Variants in AAK1 observed in about 807,000 individuals in gnomAD.
AAK1 encodes the protein AP2 associated kinase 1, also known as AP2-associated protein kinase 1.
AAK1 carries 37 observed loss-of-function variants against 116.0 expected under a neutral mutation model. The ratio of observed to expected loss-of-function variants is 0.32; its 90% CI spans 0.25 to 0.42. AAK1 has a LOEUF of 0.42. Among genes scored for constraint, AAK1 ranks in the 10% least tolerant of loss-of-function variants. AAK1 has a pLI of 1.00. For missense variants in AAK1, 919 were observed against 1,170.6 expected, an observed-to-expected ratio of 0.79 and a Z score of 3.14; for synonymous variants, 458 against 439.9, an observed-to-expected ratio of 1.04 and a Z score of -0.51.
chr2:69,623,432 G>A (rs1048466355), intron 2 of AAK1, among the ~76,000 whole-genome samples: 10 of 152,188 alleles, frequency 6.6e-5, no homozygotes, highest in African/African-American at 2.4e-4. Flanking sequence ...CAACAGCCTC[G>A]TAGATGCCCT....
intron 2 of AAK1, among the ~76,000 whole-genome samples, chr2:69,606,285 T>C (rs923407606): frequency 5.3e-5 from 8 of 152,202 alleles, no homozygotes; most frequent in African/African-American, 1.9e-4. Flanking sequence ...CACGATCCAA[T>C]TGAACACAAG....
Position 69,507,503 on chromosome 2 carries a change from C to A in AAK1, c.2082G>T (p.Thr694=). 6.2e-7 allele frequency: 1 copy of A among 1,612,568 alleles called. No homozygotes were observed. Among genetic ancestry groups the A allele is most frequent in the African/African-American group, 1.3e-5 (1 of 75,008 alleles). The change falls in exon 15 of 22, where the codon ACG becomes ACT. Residue 694 remains threonine, a synonymous_variant. Transcript: ENST00000409085. ...AATTATCGTCATCAAAGGGATTCCACGTAGACCCTTCTGAAGGATTATAAA... is the reference window on the plus strand; with the variant it reads ...AATTATCGTCATCAAAGGGATTCCAAGTAGACCCTTCTGAAGGATTATAAA... ...QNVYNPSEGS[T]WNPFDDDNFS...
At chr2:69,482,668 CA>C in intron 18 of AAK1, 42 bp downstream of exon 18, 1 of 1,478,002 alleles carries the variant, frequency 6.8e-7, no homozygotes, top group Non-Finnish European at 9.4e-7. Context: ...GAAACAGGCA[CA>C]CATATCATGC....
At chr2:69,501,913 G>A (rs1181002455) in intron 16 of AAK1, among the ~76,000 whole-genome samples, 1 of 152,154 alleles carries the variant, frequency 6.6e-6, no homozygotes, top group Non-Finnish European at 1.5e-5. Context: ...AGAGGTTGCA[G>A]TGAACAGATA....
At chr2:69,500,698 T>TATATATATATATATGTATATATATAC in intron 16 of AAK1, among the ~76,000 whole-genome samples, 1 of 65,102 alleles carries the variant, frequency 1.5e-5, no homozygotes, top group African/African-American at 7.9e-5. Context: ...TATATATATA[T>TATATATATATATATGTATATATATAC]ACACACACAC....
chr2:69,488,150 G>A (rs946317575), intron 17 of AAK1, among the ~76,000 whole-genome samples: 4 of 37,608 alleles, frequency 1.1e-4, no homozygotes, highest in African/African-American at 4.9e-4. Flanking sequence ...GTGTGTGGAC[G>A]TGTGTGTGTG....
At chr2:69,633,173 C>A (rs1452702135) in intron 2 of AAK1, among the ~76,000 whole-genome samples, 2 of 147,846 alleles carry the variant, frequency 1.4e-5, no homozygotes, top group East Asian at 2.1e-4. Context: ...GAGCCGAGAT[C>A]GCGCCACTGC....
chr2:69,461,611 T>TC lies in AAK1; in HGVS notation c.*14257_*14258insG. 2.3e-6 allele frequency: 1 copy of TC among 425,756 alleles called. No individual in the cohort carries two copies. The highest frequency in any genetic ancestry group is 4.6e-6 in the Non-Finnish European group (1 of 217,094). 26.4% of individuals were successfully genotyped at this position (425,756 alleles called of 1,614,324 possible). ...CCAGTGACAATTTTTTTTTTTTTTT[T>TC]GAGGCGGAGTTTTGCTCTTCTCGCC... is the stretch of plus-strand genomic sequence containing the variant. On this transcript the variant is annotated 3_prime_UTR_variant, in exon 22 of 22. Transcript: ENST00000409085.
intron 16 of AAK1, among the ~76,000 whole-genome samples, chr2:69,502,382 G>T (rs1290773033): frequency 2.0e-5 from 3 of 151,998 alleles, no homozygotes; most frequent in Non-Finnish European, 2.9e-5. Context: ...AGCACTTTGG[G>T]AGGCTGAGGC....
At chr2:69,534,178 T>C (rs1670368553) in intron 5 of AAK1, among the ~76,000 whole-genome samples, 1 of 152,228 alleles carries the variant, frequency 6.6e-6, no homozygotes, top group Admixed American at 6.5e-5. Flanking sequence ...ATTATCCTTC[T>C]CTCACAGATG....
At chr2:69,480,226 G>T (rs1225331332) in intron 19 of AAK1, among the ~76,000 whole-genome samples, 1 of 121,218 alleles carries the variant, frequency 8.2e-6, no homozygotes. Context: ...ATCCAAGTTT[G>T]AAAACCAGAT....
intron 5 of AAK1, among the ~76,000 whole-genome samples, chr2:69,537,694 G>A (rs1670533945): frequency 6.6e-6 from 1 of 152,340 alleles, no homozygotes; most frequent in Non-Finnish European, 1.5e-5. Flanking sequence ...GTGATGCAAC[G>A]ACAGAGCCAG....
intron 13 of AAK1, among the ~76,000 whole-genome samples, chr2:69,512,963 T>G (rs1292153028): frequency 6.6e-6 from 1 of 152,238 alleles, no homozygotes; most frequent in African/African-American, 2.4e-5. Context: ...TCAGTTCGTA[T>G]GTCTTGGGCA....
At chr2:69,523,906 C>T (rs1272273560) in intron 10 of AAK1, among the ~76,000 whole-genome samples, 2 of 152,262 alleles carry the variant, frequency 1.3e-5, no homozygotes. Flanking sequence ...CACTTCCACC[C>T]ATGCTTCTTC....
At chr2:69,631,400 G>C (rs942350422) in intron 2 of AAK1, among the ~76,000 whole-genome samples, 6 of 152,178 alleles carry the variant, frequency 3.9e-5, no homozygotes, top group African/African-American at 1.4e-4. Context: ...AGATAATCTA[G>C]CATCAATGCT....
chr2:69,603,478 C>T (rs1282539739), intron 2 of AAK1, among the ~76,000 whole-genome samples: 1 of 152,102 alleles, frequency 6.6e-6, no homozygotes, highest in Non-Finnish European at 1.5e-5. Context: ...GTCACACTAT[C>T]GCCTCCCTTT....
At chr2:69,633,217 T>TAAAAAAA (rs777301368) in intron 2 of AAK1, among the ~76,000 whole-genome samples, 10 of 91,582 alleles carry the variant, frequency 1.1e-4, no homozygotes, top group South Asian at 5.1e-4. Context: ...AGACTCTGTT[T>TAAAAAAA]CAAAAAAAAA....
chr2:69,514,995 C>T (rs1676527320), intron 12 of AAK1, among the ~76,000 whole-genome samples: 1 of 152,198 alleles, frequency 6.6e-6, no homozygotes, highest in South Asian at 2.1e-4. Context: ...ACAGACTGGC[C>T]TTCCAAGTGG....
chr2:69,610,120 A>G (rs1231630826), intron 2 of AAK1, among the ~76,000 whole-genome samples: 1 of 152,080 alleles, frequency 6.6e-6, no homozygotes, highest in African/African-American at 2.4e-5. Context: ...ACAAAACTAC[A>G]GTCATCAAAA....
Sources: allele counts gnomAD v4.1 joint callset (sites outside exome capture counted in the v4.1 genomes callset), GRCh38; gene constraint gnomAD v4.1.1; transcripts MANE v1.5; gene names NCBI Gene and HGNC (gene_info 2026-07-23, HGNC 2026-07-21).